The following PPARGC1A variants were observed in gnomAD, a reference collection of about 807,000 sequenced individuals.
The protein encoded by PPARGC1A is peroxisome proliferator-activated receptor gamma coactivator 1-alpha.
Under a neutral mutation model 88.7 loss-of-function variants are expected in PPARGC1A, and 25 were observed. The observed-to-expected ratio is 0.28, with a 90% CI of 0.21 to 0.39. PPARGC1A has a LOEUF of 0.39. Ranked by LOEUF, PPARGC1A falls within the 10% of genes least tolerant of loss-of-function variation. PPARGC1A has a pLI of 1.00. For missense variants in PPARGC1A, 880 were observed against 968.7 expected (o/e 0.91, Z 1.22); for synonymous variants, 363 against 355.6 (o/e 1.02, Z -0.24).
At chr4:23,872,736 A>G (rs1371548773) in intron 2 of PPARGC1A, among the ~76,000 whole-genome samples, 3 of 152,164 alleles carry the variant, frequency 2.0e-5, no homozygotes, top group Non-Finnish European at 4.4e-5. Flanking sequence ...TCCCCCTAAA[A>G]TGGCCAGACA....
chr4:23,959,927 C>T, the PPARGC1A span, among the ~76,000 whole-genome samples: 2 of 152,094 alleles, frequency 1.3e-5, no homozygotes, highest in Non-Finnish European at 2.9e-5. Flanking sequence ...AGAGGGGAAA[C>T]CTTGAGTCTG....
At chr4:24,281,894 AAGCCTATAAGGCAG>A in the PPARGC1A span, among the ~76,000 whole-genome samples, 1 of 152,338 alleles carries the variant, frequency 6.6e-6, no homozygotes, top group Middle Eastern at 3.4e-3. Context: ...TTCCCACAGC[AAGCCTATAAGGCAG>A]ATACTCTTAT....
At chr4:23,930,684 T>A in the PPARGC1A span, among the ~76,000 whole-genome samples, 8 of 152,188 alleles carry the variant, frequency 5.3e-5, no homozygotes, top group Non-Finnish European at 8.8e-5. Flanking sequence ...GGGTTCAATG[T>A]ACTTTTTTGT....
the PPARGC1A span, among the ~76,000 whole-genome samples, chr4:24,101,878 T>C: frequency 6.6e-6 from 1 of 151,980 alleles, no homozygotes. Flanking sequence ...TACTAACGAT[T>C]GAGAGATGAG....
the PPARGC1A span, among the ~76,000 whole-genome samples, chr4:24,450,613 G>T: frequency 6.6e-6 from 1 of 152,088 alleles, no homozygotes; most frequent in Non-Finnish European, 1.5e-5. Flanking sequence ...GGGATCTAAA[G>T]TCTATATTTT....
the PPARGC1A span, among the ~76,000 whole-genome samples, chr4:23,921,078 G>A: frequency 1.3e-5 from 2 of 152,080 alleles, no homozygotes; most frequent in African/African-American, 2.4e-5. Flanking sequence ...TTTCTCAAAG[G>A]GAAAGGAGTG....
At chr4:24,391,883 T>C in the PPARGC1A span, among the ~76,000 whole-genome samples, 2 of 152,282 alleles carry the variant, frequency 1.3e-5, no homozygotes, top group Admixed American at 1.3e-4. Context: ...TTGCTTTCAA[T>C]GAACTCCGAA....
At chr4:24,050,201 T>TG in the PPARGC1A span, among the ~76,000 whole-genome samples, 1 of 143,538 alleles carries the variant, frequency 7.0e-6, no homozygotes, top group African/African-American at 2.5e-5. Context: ...GACCTTTTGT[T>TG]TTTTTTTTTT....
At chr4:24,108,762 G>T in the PPARGC1A span, among the ~76,000 whole-genome samples, 1 of 152,048 alleles carries the variant, frequency 6.6e-6, no homozygotes, top group Non-Finnish European at 1.5e-5. Flanking sequence ...TGGAGCCTGG[G>T]GTTCATCCAT....
the PPARGC1A span, among the ~76,000 whole-genome samples, chr4:24,176,637 T>C: frequency 2.6e-5 from 4 of 152,112 alleles, no homozygotes; most frequent in African/African-American, 9.7e-5. Flanking sequence ...ACATGGGACA[T>C]GGGGAAGAGC....
At chr4:24,391,859 A>G in the PPARGC1A span, among the ~76,000 whole-genome samples, 1 of 152,168 alleles carries the variant, frequency 6.6e-6, no homozygotes, top group Non-Finnish European at 1.5e-5. Flanking sequence ...CATATTTAAC[A>G]TGTGAGTAGT....
the PPARGC1A span, among the ~76,000 whole-genome samples, chr4:24,265,526 T>C: frequency 0.45 from 68,363 of 151,896 alleles, 15,948 homozygotes; most frequent in Non-Finnish European, 0.5. Context: ...GTTTTATTAT[T>C]CGAATGGCTT....
At chr4:24,437,891 G>A in the PPARGC1A span, among the ~76,000 whole-genome samples, 11 of 152,140 alleles carry the variant, frequency 7.2e-5, no homozygotes, top group South Asian at 2.3e-3. Context: ...TGGCCAGGCT[G>A]GTCTCGAACT....
At chr4:24,194,598 G>A in the PPARGC1A span, among the ~76,000 whole-genome samples, 7 of 151,112 alleles carry the variant, frequency 4.6e-5, no homozygotes, top group Admixed American at 3.3e-4. Context: ...TCAGACACCA[G>A]TGGGCTGGCA....
the PPARGC1A span, among the ~76,000 whole-genome samples, chr4:24,079,451 T>C: frequency 6.7e-6 from 1 of 150,258 alleles, no homozygotes; most frequent in Non-Finnish European, 1.5e-5. Flanking sequence ...ATTGTTTTCC[T>C]AGTGAAATGT....
At chr4:23,844,936 G>C (rs545046007) in intron 2 of PPARGC1A, among the ~76,000 whole-genome samples, 1 of 146,436 alleles carries the variant, frequency 6.8e-6, no homozygotes, top group African/African-American at 2.5e-5. Context: ...GAGCAGCAAA[G>C]CATAATAGCT....
the PPARGC1A span, among the ~76,000 whole-genome samples, chr4:24,322,417 G>A: frequency 1.3e-5 from 2 of 152,328 alleles, no homozygotes; most frequent in East Asian, 1.9e-4. Flanking sequence ...AACCCTGATG[G>A]TTCATCTGGT....
the PPARGC1A span, among the ~76,000 whole-genome samples, chr4:23,959,396 C>T: frequency 4.1e-4 from 63 of 152,214 alleles, no homozygotes; most frequent in South Asian, 3.7e-3. Flanking sequence ...CTTATTATGG[C>T]GTTAGAATGT....
chr4:24,021,516 G>A, the PPARGC1A span, among the ~76,000 whole-genome samples: 1 of 150,860 alleles, frequency 6.6e-6, no homozygotes, highest in African/African-American at 2.5e-5. Flanking sequence ...TATCTAGTGG[G>A]GTAGGGAGGG....
Sources: gnomAD v4.1 joint callset for allele counts (sites outside exome capture counted in the v4.1 genomes callset) on GRCh38, gnomAD v4.1.1 for gene constraint, MANE v1.5 for transcripts, NCBI Gene and HGNC (gene_info 2026-07-23, HGNC 2026-07-21) for gene names.